Variants in SMG9 observed in about 807,000 individuals in gnomAD.
SMG9 encodes the protein nonsense-mediated mRNA decay factor SMG9.
A neutral mutation model predicts 64.0 loss-of-function variants in SMG9; 55 were observed. That is an observed-to-expected ratio of 0.86 (90% confidence interval 0.69 to 1.08). The LOEUF is 1.08. Ranked by LOEUF, SMG9 falls within the 50% of genes least tolerant of loss-of-function variation. SMG9 has a pLI of 0.00. For missense variants in SMG9, 554 were observed against 681.3 expected (o/e 0.81, Z 2.08); for synonymous variants, 244 against 254.8 (o/e 0.96, Z 0.41).
chr19:43,751,722 T>C (rs375257862), intron 1 of SMG9, among the ~76,000 whole-genome samples: 22 of 152,272 alleles, frequency 1.4e-4, no homozygotes, highest in African/African-American at 4.3e-4. Flanking sequence ...GTGACAGGAA[T>C]GTGGGTGTGG....
At chr19:43,751,294 C>T (rs562253968) in intron 1 of SMG9, among the ~76,000 whole-genome samples, 3 of 148,512 alleles carry the variant, frequency 2.0e-5, no homozygotes, top group South Asian at 4.3e-4. Context: ...CCACCACACC[C>T]GACTAATTTT....
At chr19:43,751,728 T>A (rs1207943794) in intron 1 of SMG9, among the ~76,000 whole-genome samples, 1 of 152,110 alleles carries the variant, frequency 6.6e-6, no homozygotes, top group Non-Finnish European at 1.5e-5. Flanking sequence ...GGAATGTGGG[T>A]GTGGAGGTTG....
intron 13 of SMG9, 32 bp downstream of exon 13, chr19:43,732,826 T>A (rs562871026): frequency 8.1e-6 from 13 of 1,612,736 alleles, no homozygotes; most frequent in Middle Eastern, 1.7e-4. Flanking sequence ...GTGGGGTGCC[T>A]CAAATTGACC....
rs891452714 is a variant in SMG9 at position 43,733,549 on chromosome 19, G to T, written c.1210+77C>A. 3.7e-6 allele frequency: 6 copies of T among 1,606,522 alleles called. No individual in the cohort carries two copies. In the African/African-American group the frequency reaches 5.4e-5, roughly 14 times the overall value. On this transcript the variant is annotated intron_variant, in intron 11 of 13. Transcript: ENST00000270066. ...AAGCAGGATCAGGAGACTAGTCTGG[G>T]GGTAGAGACTGACCCACGGGGTTGG...
chr19:43,746,243 TG>T (rs1353432827), intron 5 of SMG9, among the ~76,000 whole-genome samples: 1 of 152,194 alleles, frequency 6.6e-6, no homozygotes, highest in Non-Finnish European at 1.5e-5. Flanking sequence ...AGAATATCTA[TG>T]GATGCCCTGT....
chr19:43,735,012 A>G (rs1968610567), intron 9 of SMG9, among the ~76,000 whole-genome samples: 1 of 152,200 alleles, frequency 6.6e-6, no homozygotes, highest in African/African-American at 2.4e-5. Context: ...TCACTGCCCT[A>G]AAAATCCTCT....
chr19:43,746,579 A>AT (rs1305473685), intron 5 of SMG9, among the ~76,000 whole-genome samples: 1 of 152,124 alleles, frequency 6.6e-6, no homozygotes, highest in Non-Finnish European at 1.5e-5. Flanking sequence ...GGCTGTGCTA[A>AT]TAAGTCCAGG....
At chr19:43,744,387 A>G (rs1271516910) in intron 6 of SMG9, among the ~76,000 whole-genome samples, 3 of 152,172 alleles carry the variant, frequency 2.0e-5, no homozygotes, top group East Asian at 3.8e-4. Context: ...TTTATTCTCC[A>G]AAAATCTACC....
Position 43,734,399 on chromosome 19 carries a change from G to A in SMG9, c.1092C>T (p.Tyr364=). Residue 364 remains tyrosine (Y), a synonymous_variant, in exon 10 of 14, where the codon TAC becomes TAT. Transcript: ENST00000270066. The part of the protein sequence containing the change: ...SSGSDEGTEY[Y]PHLVFLQNKA... ...CAGAAAGCCTCTCACCTAGGTGGGG[G>A]TAGTACTCGGTGCCTTCATCGGAGC... 2 of 1,554,086 alleles carry A rather than the reference G, an allele frequency of 1.3e-6. No individual in the cohort carries two copies. The highest frequency in any genetic ancestry group is 1.4e-5 in the African/African-American group (1 of 73,382).
At chr19:43,740,710 C>G (rs1050896061) in intron 6 of SMG9, among the ~76,000 whole-genome samples, 2 of 152,026 alleles carry the variant, frequency 1.3e-5, no homozygotes, top group African/African-American at 4.8e-5. Context: ...CCTACTAGAT[C>G]CCAGGCATTG....
At chr19:43,739,823 G>A (rs1483618914) in intron 7 of SMG9, 1 of 419,910 alleles carries the variant, frequency 2.4e-6, no homozygotes, top group African/African-American at 2.0e-5. Context: ...CAGCTGGTAA[G>A]AACTAACAGA....
intron 6 of SMG9, among the ~76,000 whole-genome samples, chr19:43,741,409 G>C (rs1030807705): frequency 6.6e-6 from 1 of 152,216 alleles, no homozygotes; most frequent in East Asian, 1.9e-4. Context: ...TGTGGGAGGG[G>C]AGGGAGCAAG....
intron 5 of SMG9, among the ~76,000 whole-genome samples, chr19:43,746,019 A>C (rs981273047): frequency 8.0e-5 from 12 of 149,606 alleles, no homozygotes; most frequent in African/African-American, 2.0e-4. Flanking sequence ...CAAAAAAAAA[A>C]ACAACTATCT....
chr19:43,734,622 A>C, intron 9 of SMG9, 127 bp from the exon 10 acceptor site: 1 of 569,732 alleles, frequency 1.8e-6, no homozygotes, highest in East Asian at 2.9e-5. Flanking sequence ...CCATATACAC[A>C]CCATGTTTCT....
At chr19:43,733,550 G>A (rs1968555140) in intron 11 of SMG9, 76 bp downstream of exon 11, 10 of 1,606,416 alleles carry the variant, frequency 6.2e-6, no homozygotes, top group Non-Finnish European at 8.5e-6. Flanking sequence ...CTAGTCTGGG[G>A]GTAGAGACTG....
chr19:43,731,451 T>A lies in SMG9; in HGVS notation c.*145A>T. The A allele has an allele frequency of 1.4e-6, 2 of 1,475,970 alleles. No homozygotes were observed. Among genetic ancestry groups the A allele is most frequent in the South Asian group, 2.8e-5 (2 of 72,200 alleles). 91.4% of individuals were successfully genotyped at this position (1,475,970 alleles called of 1,614,324 possible). On this transcript the variant is annotated 3_prime_UTR_variant, in exon 14 of 14. Transcript: ENST00000270066. Reference sequence around the variant, plus strand: ...GGTGGGGGGCCTGGCCCTGGACACCTCATGTCTCTGGGCCGGGAAGCCACG... The same window carrying A: ...GGTGGGGGGCCTGGCCCTGGACACCACATGTCTCTGGGCCGGGAAGCCACG...
At position 43,730,382 on chromosome 19, in the gene SMG9, G is replaced by C. The variant is rs1403079199; in HGVS notation, c.*1214C>G. 6.6e-6 allele frequency: 1 copy of C among 152,164 alleles called. No homozygotes were observed. The highest frequency in any genetic ancestry group is 1.5e-5 in the Non-Finnish European group (1 of 68,090). 9.4% of individuals were successfully genotyped at this position (152,164 alleles called of 1,614,324 possible). On this transcript the variant is annotated 3_prime_UTR_variant, in exon 14 of 14. Coordinates refer to ENST00000270066, the MANE Select transcript of SMG9 (RefSeq NM_019108.4). Reference sequence around the variant, plus strand: ...GTGGATTTAACTGAGGGTAGGTTCTGGATTTACATTAAAGGTGAGGGTTGC... The same window carrying C: ...GTGGATTTAACTGAGGGTAGGTTCTCGATTTACATTAAAGGTGAGGGTTGC...
chr19:43,732,754 G>A (rs1390577924), intron 13 of SMG9, 104 bp downstream of exon 13: 1 of 1,397,142 alleles, frequency 7.2e-7, no homozygotes, highest in Non-Finnish European at 1.0e-6. Context: ...CTGGGATCTG[G>A]AGAGGAGGGG....
At position 43,731,206 on chromosome 19, in the gene SMG9, C is replaced by T; in HGVS notation, c.*390G>A. The T allele has an allele frequency of 9.7e-7, 1 of 1,031,664 alleles. No individual in the cohort carries two copies. Among genetic ancestry groups the T allele is most frequent in the Non-Finnish European group, 1.2e-6 (1 of 859,266 alleles). The allele number at this position is 1,031,664 out of a possible 1,614,324, so 63.9% of individuals were successfully genotyped here. A position where few individuals can be genotyped will look rare whatever the true frequency, so the allele number is the denominator to read the frequency against. Reference sequence around the variant, plus strand: ...CAGATCTGTTCCAATAAAGAGCTCTCCAGACCCTGCCTCACCTTACAGGGA... The same window carrying T: ...CAGATCTGTTCCAATAAAGAGCTCTTCAGACCCTGCCTCACCTTACAGGGA... On this transcript the variant is annotated 3_prime_UTR_variant, in exon 14 of 14. Coordinates refer to ENST00000270066, the MANE Select transcript of SMG9 (RefSeq NM_019108.4).
Sources: gnomAD v4.1 joint callset for allele counts (sites outside exome capture counted in the v4.1 genomes callset) on GRCh38, gnomAD v4.1.1 for gene constraint, MANE v1.5 for transcripts, NCBI Gene and HGNC (gene_info 2026-07-23, HGNC 2026-07-21) for gene names.